ARHGAP10: variants seen among roughly 807,000 people sequenced by gnomAD.
ARHGAP10 encodes the protein rho GTPase-activating protein 10.
ARHGAP10 carries 87 observed loss-of-function variants against 108.6 expected under a neutral mutation model. The ratio of observed to expected loss-of-function variants is 0.80; its 90% CI spans 0.67 to 0.96. The LOEUF is 0.96. Among genes scored for constraint, ARHGAP10 ranks in the 40% least tolerant of loss-of-function variants. The pLI is 0.00. For missense variants in ARHGAP10, 939 were observed against 954.5 expected (o/e 0.98, Z 0.21); for synonymous variants, 347 against 341.1 (o/e 1.02, Z -0.19).
chr4:147,964,467 C>G (rs1199212858), intron 16 of ARHGAP10, among the ~76,000 whole-genome samples: 1 of 152,180 alleles, frequency 6.6e-6, no homozygotes, highest in East Asian at 1.9e-4. Context: ...CTCTGTGAGT[C>G]TAAACTTTTC....
chr4:147,964,166 C>G (rs1256554315), intron 16 of ARHGAP10, among the ~76,000 whole-genome samples: 2 of 152,208 alleles, frequency 1.3e-5, no homozygotes, highest in Admixed American at 1.3e-4. Flanking sequence ...CCGTGACCCC[C>G]CTCCCTACGA....
At chr4:147,861,616 C>T (rs920499922) in intron 5 of ARHGAP10, 2 of 152,342 alleles carry the variant, frequency 1.3e-5, no homozygotes, top group African/African-American at 4.8e-5. Context: ...CAGAACAGTT[C>T]TCAGGAGACC....
At chr4:147,780,357 C>T (rs778414949) in intron 1 of ARHGAP10, among the ~76,000 whole-genome samples, 2 of 152,088 alleles carry the variant, frequency 1.3e-5, no homozygotes, top group Non-Finnish European at 2.9e-5. Context: ...TACACCCCAA[C>T]TTTGCATGCG....
intron 1 of ARHGAP10, among the ~76,000 whole-genome samples, chr4:147,781,130 G>A (rs962264298): frequency 2.0e-5 from 3 of 152,020 alleles, no homozygotes; most frequent in African/African-American, 7.2e-5. Context: ...AGGCTGAGGC[G>A]GGCGGATCAC....
intron 19 of ARHGAP10, among the ~76,000 whole-genome samples, chr4:148,024,719 A>G (rs1391955522): frequency 6.6e-6 from 1 of 152,234 alleles, no homozygotes; most frequent in Non-Finnish European, 1.5e-5. Flanking sequence ...TTCTGATCCT[A>G]GCTAACTTTT....
intron 1 of ARHGAP10, among the ~76,000 whole-genome samples, chr4:147,802,285 C>T (rs1731613265): frequency 6.6e-6 from 1 of 152,180 alleles, no homozygotes; most frequent in Non-Finnish European, 1.5e-5. Context: ...TAGTAAAACT[C>T]CAACATAGGT....
Position 147,962,713 on chromosome 4 carries a change from G to C in ARHGAP10, c.1451-2311G>C, listed in dbSNP as rs958768563. Among the ~76,000 whole-genome samples, 4 of 152,208 alleles carry C rather than the reference G, an allele frequency of 2.6e-5. No individual in the cohort carries two copies. In the East Asian group the frequency reaches 7.7e-4, roughly 29 times the overall value. ...TTTTTTTGAGATGGAGTCTCTCTCT[G>C]TTGCCCAGGCTGGAGTGCAGTGGTG... On this transcript the variant is annotated intron_variant, in intron 16 of 22. Coordinates refer to ENST00000336498, the MANE Select transcript of ARHGAP10 (RefSeq NM_024605.4).
intron 18 of ARHGAP10, among the ~76,000 whole-genome samples, chr4:147,980,735 G>T (rs1210630763): frequency 2.0e-5 from 3 of 152,046 alleles, no homozygotes; most frequent in African/African-American, 7.2e-5. Flanking sequence ...GGTCTGTTCA[G>T]GATTTCTCTT....
At chr4:147,853,702 T>G (rs913847706) in intron 4 of ARHGAP10, among the ~76,000 whole-genome samples, 3 of 152,102 alleles carry the variant, frequency 2.0e-5, no homozygotes, top group Non-Finnish European at 1.5e-5. Context: ...GTTGTAATCC[T>G]CCCCCCTTTG....
rs1003058427 is a variant in ARHGAP10 at position 148,063,076 on chromosome 4, T to C, written c.2028-72T>C. ...GAATTAGTGACCTAGTCATCTGGGA[T>C]TGGGATGTTGTGCATTTCGTGTTCT... On this transcript the variant is annotated intron_variant, in intron 20 of 22. Transcript: ENST00000336498. The C allele has an allele frequency of 9.7e-6, 15 of 1,546,502 alleles. No individual in the cohort carries two copies. In the African/African-American group the frequency reaches 1.8e-4, roughly 18 times the overall value.
chr4:147,789,203 A>C (rs1262603341), intron 1 of ARHGAP10, among the ~76,000 whole-genome samples: 1 of 152,222 alleles, frequency 6.6e-6, no homozygotes, highest in Non-Finnish European at 1.5e-5. Context: ...GCTTAAGTTC[A>C]GCATGGCATA....
At chr4:148,037,717 C>A (rs1226875645) in intron 19 of ARHGAP10, among the ~76,000 whole-genome samples, 1 of 151,982 alleles carries the variant, frequency 6.6e-6, no homozygotes. Flanking sequence ...TGCCTGTAAT[C>A]CCAGCTACTT....
chr4:147,956,977 A>G (rs760204043), intron 16 of ARHGAP10, among the ~76,000 whole-genome samples: 63 of 152,142 alleles, frequency 4.1e-4, no homozygotes, highest in Non-Finnish European at 8.4e-4. Context: ...GGTGGTAGAA[A>G]ATAAGTTTAA....
chr4:147,960,606 G>A (rs1738953657), intron 16 of ARHGAP10, among the ~76,000 whole-genome samples: 1 of 152,164 alleles, frequency 6.6e-6, no homozygotes, highest in Non-Finnish European at 1.5e-5. Flanking sequence ...TTTATTATGG[G>A]TAGCTTTAAG....
chr4:147,841,295 G>C (rs1733406171), intron 3 of ARHGAP10, among the ~76,000 whole-genome samples: 1 of 152,186 alleles, frequency 6.6e-6, no homozygotes, highest in Admixed American at 6.5e-5. Flanking sequence ...TCTTTTCTTG[G>C]CTGGTTCAAG....
chr4:147,830,512 CTTTTTTTTTTT>C (rs56946602), intron 3 of ARHGAP10, among the ~76,000 whole-genome samples: 2 of 102,322 alleles, frequency 2.0e-5, no homozygotes, highest in East Asian at 2.8e-4. Flanking sequence ...ACCACAATTC[CTTTTTTTTTTT>C]TTTTTTTTTT....
At chr4:147,988,355 A>G (rs80279499) in intron 18 of ARHGAP10, among the ~76,000 whole-genome samples, 8,130 of 152,114 alleles carry the variant, frequency 0.053, 239 homozygotes, top group African/African-American at 0.069. Context: ...CATTTACTAG[A>G]TCATGTTTTC....
intron 20 of ARHGAP10, among the ~76,000 whole-genome samples, chr4:148,060,197 T>C (rs1729549289): frequency 6.6e-6 from 1 of 152,210 alleles, no homozygotes; most frequent in African/African-American, 2.4e-5. Context: ...AATTCTCTTC[T>C]AAAACTAATA....
intron 1 of ARHGAP10, among the ~76,000 whole-genome samples, chr4:147,757,623 T>C (rs1377620633): frequency 6.6e-6 from 1 of 152,204 alleles, no homozygotes; most frequent in Non-Finnish European, 1.5e-5. Context: ...CTTCCATCCG[T>C]TCATAGCCTC....
Sources: allele counts gnomAD v4.1 joint callset (sites outside exome capture counted in the v4.1 genomes callset), GRCh38; gene constraint gnomAD v4.1.1; transcripts MANE v1.5; gene names NCBI Gene and HGNC (gene_info 2026-07-23, HGNC 2026-07-21).